Variants in DOCK1 observed in about 807,000 individuals in gnomAD.
DOCK1 encodes the protein dedicator of cytokinesis 1, also known as dedicator of cytokinesis protein 1.
Under a neutral mutation model 262.7 loss-of-function variants are expected in DOCK1, and 138 were observed. The ratio of observed to expected loss-of-function variants is 0.53; its 90% CI spans 0.46 to 0.61. The LOEUF (loss-of-function observed/expected upper bound fraction) is 0.61. DOCK1 is among the 20% of genes least tolerant of loss of function. DOCK1 has a pLI of 0.00. For missense variants in DOCK1, 1,908 were observed against 2,370.7 expected (o/e 0.80, Z 4.05); for synonymous variants, 866 against 867.4 (o/e 1.00, Z 0.03).
chr10:127,030,547 G>A (rs958976062), intron 16 of DOCK1, among the ~76,000 whole-genome samples: 7 of 152,262 alleles, frequency 4.6e-5, no homozygotes, highest in East Asian at 1.9e-4. Context: ...GATTGTCCCC[G>A]TTGTCACTGT....
Position 126,987,076 on chromosome 10 carries a change from A to T in DOCK1, c.228-445A>T, listed in dbSNP as rs553215834. 8.5e-5 allele frequency among the ~76,000 whole-genome samples: 13 copies of T among 152,280 alleles called. No homozygotes were observed. The South Asian group carries it at 2.7e-3, about 32-fold the overall frequency. On this transcript the variant is annotated intron_variant, in intron 4 of 51. Coordinates refer to ENST00000623213, the MANE Select transcript of DOCK1 (RefSeq NM_001290223.2). The stretch of plus-strand genomic sequence containing the variant: ...AAGGATAACTGCTTCCTGTATTATC[A>T]TGTAATGAGTTTTATGCGTGATGGA...
intron 1 of DOCK1, among the ~76,000 whole-genome samples, chr10:126,961,323 C>T (rs2037200902): frequency 6.6e-6 from 1 of 152,096 alleles, no homozygotes; most frequent in Non-Finnish European, 1.5e-5. Flanking sequence ...CGCGGTGGCT[C>T]ACACCTGTAA....
intron 29 of DOCK1, among the ~76,000 whole-genome samples, chr10:127,317,716 CT>C (rs60440651): frequency 0.34 from 51,601 of 152,010 alleles, 9,285 homozygotes; most frequent in East Asian, 0.42. Context: ...AGATAATGAA[CT>C]TGGCCAGCTT....
At chr10:127,301,119 C>T (rs1485877117) in intron 29 of DOCK1, among the ~76,000 whole-genome samples, 1 of 152,166 alleles carries the variant, frequency 6.6e-6, no homozygotes, top group Non-Finnish European at 1.5e-5. Flanking sequence ...CAGGATCCAC[C>T]AAGGGGAGGA....
intron 29 of DOCK1, among the ~76,000 whole-genome samples, chr10:127,260,093 A>G (rs1405760259): frequency 6.6e-6 from 1 of 152,084 alleles, no homozygotes; most frequent in Non-Finnish European, 1.5e-5. Flanking sequence ...TTTGCTGCAA[A>G]CCAGTGGCAA....
intron 16 of DOCK1, among the ~76,000 whole-genome samples, chr10:127,028,973 C>T (rs569701099): frequency 3.9e-5 from 6 of 152,184 alleles, no homozygotes; most frequent in East Asian, 1.9e-4. Flanking sequence ...ACAGAGGACT[C>T]GTCTCAAAAT....
intron 29 of DOCK1, among the ~76,000 whole-genome samples, chr10:127,326,869 A>G (rs535259697): frequency 2.0e-5 from 3 of 152,356 alleles, no homozygotes; most frequent in Admixed American, 6.5e-5. Context: ...GTTAGCAGGC[A>G]TGAAAACAAC....
At chr10:127,436,158 A>C (rs2069670398) in intron 48 of DOCK1, among the ~76,000 whole-genome samples, 1 of 152,222 alleles carries the variant, frequency 6.6e-6, no homozygotes, top group Admixed American at 6.5e-5. Context: ...AAAATGCCTT[A>C]ATGATCTAAG....
At chr10:126,930,392 G>C (rs2134176724) in intron 1 of DOCK1, among the ~76,000 whole-genome samples, 1 of 152,364 alleles carries the variant, frequency 6.6e-6, no homozygotes, top group African/African-American at 2.4e-5. Flanking sequence ...AGCAGCAAAG[G>C]CTGGCTGAAC....
intron 1 of DOCK1, among the ~76,000 whole-genome samples, chr10:126,949,465 T>C (rs1298256167): frequency 1.3e-5 from 2 of 152,082 alleles, no homozygotes; most frequent in African/African-American, 4.8e-5. Context: ...GGTAGGTGTG[T>C]GAGGGAGGGT....
intron 27 of DOCK1, among the ~76,000 whole-genome samples, chr10:127,231,270 C>G (rs1421766980): frequency 6.6e-6 from 1 of 151,096 alleles, no homozygotes; most frequent in Non-Finnish European, 1.5e-5. Context: ...TTTAAATGCC[C>G]TCTCCACAAG....
At chr10:127,084,836 G>A (rs2047104725) in intron 23 of DOCK1, among the ~76,000 whole-genome samples, 1 of 152,158 alleles carries the variant, frequency 6.6e-6, no homozygotes, top group East Asian at 1.9e-4. Context: ...CTCTGTGAAA[G>A]GGGGTTAATC....
intron 27 of DOCK1, among the ~76,000 whole-genome samples, chr10:127,212,540 C>G (rs1589966516): frequency 6.6e-6 from 1 of 152,038 alleles, no homozygotes. Flanking sequence ...GCAGACACCT[C>G]GAATTATTTT....
chr10:126,953,300 G>C (rs2036473865), intron 1 of DOCK1, among the ~76,000 whole-genome samples: 1 of 151,492 alleles, frequency 6.6e-6, no homozygotes, highest in Non-Finnish European at 1.5e-5. Context: ...TGGTGGTAGT[G>C]GTGATGGCAG....
chr10:127,203,774 G>C (rs1032865204), intron 27 of DOCK1, among the ~76,000 whole-genome samples: 2 of 151,752 alleles, frequency 1.3e-5, no homozygotes, highest in East Asian at 3.9e-4. Flanking sequence ...GGCACATTCT[G>C]CAGCTGTGCC....
chr10:127,412,253 C>T (rs1277676437), intron 43 of DOCK1, among the ~76,000 whole-genome samples: 3 of 152,096 alleles, frequency 2.0e-5, no homozygotes, highest in Admixed American at 6.5e-5. Flanking sequence ...TGAGCCACCG[C>T]GCCTGGCCCT....
At chr10:127,340,806 C>T (rs1004300969) in intron 30 of DOCK1, among the ~76,000 whole-genome samples, 2 of 152,100 alleles carry the variant, frequency 1.3e-5, no homozygotes, top group Non-Finnish European at 2.9e-5. Context: ...GCTAAGAATA[C>T]TTAGTGGCCA....
intron 27 of DOCK1, among the ~76,000 whole-genome samples, chr10:127,168,793 G>A (rs749895550): frequency 4.6e-5 from 7 of 152,166 alleles, no homozygotes; most frequent in Admixed American, 2.6e-4. Flanking sequence ...CCACACCTTC[G>A]TGATTCCTCA....
At chr10:127,138,387 G>T (rs959058064) in intron 27 of DOCK1, among the ~76,000 whole-genome samples, 11 of 152,160 alleles carry the variant, frequency 7.2e-5, no homozygotes, top group African/African-American at 2.7e-4. Context: ...GTATGAGTGG[G>T]CAGGGGTCAC....
Sources: allele counts gnomAD v4.1 joint callset (sites outside exome capture counted in the v4.1 genomes callset), GRCh38; gene constraint gnomAD v4.1.1; transcripts MANE v1.5; gene names NCBI Gene and HGNC (gene_info 2026-07-23, HGNC 2026-07-21).